Variants in MYH11 observed in about 807,000 individuals in gnomAD.
The protein encoded by MYH11 is myosin heavy chain 11.
Under a neutral mutation model 246.6 loss-of-function variants are expected in MYH11, and 80 were observed. That is an observed-to-expected ratio of 0.32 (90% CI 0.27 to 0.39). The LOEUF (loss-of-function observed/expected upper bound fraction) is 0.39, where lower values mean the gene tolerates loss of function less well. Ranked by LOEUF, MYH11 falls within the 10% of genes least tolerant of loss-of-function variation. The probability of loss-of-function intolerance (pLI) is 1.00; values close to 1 mark genes in which losing one functional copy is unlikely to be tolerated. For missense variants in MYH11, 2,158 were observed against 2,546.8 expected (o/e 0.85, Z 3.29); for synonymous variants, 1,071 against 1,015.5 (o/e 1.05, Z -1.04).
chr16:15,735,022 A>G (rs2041072410), intron 26 of MYH11, among the ~76,000 whole-genome samples: 1 of 151,888 alleles, frequency 6.6e-6, no homozygotes, highest in Non-Finnish European at 1.5e-5. Flanking sequence ...TCTACTAAAA[A>G]CAAAAAATTA....
intron 2 of MYH11, among the ~76,000 whole-genome samples, chr16:15,834,546 A>G (rs530883010): frequency 1.3e-5 from 2 of 152,022 alleles, no homozygotes; most frequent in Non-Finnish European, 2.9e-5. Context: ...AAAAAGAAGA[A>G]AGAAAGAAAA....
Position 15,777,129 on chromosome 16 carries a change from G to A in MYH11, c.791-953C>T, listed in dbSNP as rs554519541. Among the ~76,000 whole-genome samples, 17 of 116,870 alleles carry A rather than the reference G, an allele frequency of 1.5e-4. No individual in the cohort carries two copies. In the East Asian group the frequency reaches 1.6e-3, roughly 11 times the overall value. 76.7% of individuals were successfully genotyped at this position (116,870 alleles called of 152,430 possible). On this transcript the variant is annotated intron_variant, in intron 7 of 40. Transcript: ENST00000300036. ...TACACACACACACACACACACACAC[G>A]CACGTATGTTTGAGCCAGAGTCTCG...
intron 4 of MYH11, among the ~76,000 whole-genome samples, chr16:15,789,988 C>A (rs181487642): frequency 9.8e-5 from 15 of 152,286 alleles, no homozygotes; most frequent in Admixed American, 9.2e-4. Context: ...TGGCCTTGAA[C>A]CTCTCTCACC....
At chr16:15,763,584 G>T (rs900744892) in intron 10 of MYH11, among the ~76,000 whole-genome samples, 2 of 151,036 alleles carry the variant, frequency 1.3e-5, no homozygotes, top group African/African-American at 2.4e-5. Context: ...TATTAGGTTT[G>T]TTTTTTTTTA....
chr16:15,786,587 C>T (rs757076956), intron 5 of MYH11, 43 bp downstream of exon 5: 9 of 1,563,784 alleles, frequency 5.8e-6, no homozygotes, highest in African/African-American at 1.4e-5. Flanking sequence ...AGCTGGAGAC[C>T]GGTTGGCTAA....
chr16:15,707,476 A>G (rs756794434), intron 40 of MYH11, among the ~76,000 whole-genome samples: 2 of 152,150 alleles, frequency 1.3e-5, no homozygotes, highest in Non-Finnish European at 2.9e-5. Flanking sequence ...GGCTTATCCT[A>G]TGATCCCAAT....
chr16:15,822,996 C>T (rs530076012), intron 3 of MYH11, among the ~76,000 whole-genome samples: 4 of 152,400 alleles, frequency 2.6e-5, no homozygotes, highest in South Asian at 2.1e-4. Context: ...ACAGCTGGCC[C>T]GACGGGGACC....
At chr16:15,789,008 T>C (rs942455410) in intron 4 of MYH11, among the ~76,000 whole-genome samples, 24 of 151,954 alleles carry the variant, frequency 1.6e-4, no homozygotes, top group African/African-American at 5.1e-4. Context: ...GCGTTTGTCA[T>C]TGGGGGGATA....
intron 1 of MYH11, among the ~76,000 whole-genome samples, chr16:15,843,486 C>T (rs1053331703): frequency 3.4e-5 from 5 of 149,248 alleles, no homozygotes; most frequent in Admixed American, 1.3e-4. Context: ...GTCAAGAGAT[C>T]GAGACCATCC....
At chr16:15,807,959 A>G (rs2043052921) in intron 3 of MYH11, among the ~76,000 whole-genome samples, 1 of 152,168 alleles carries the variant, frequency 6.6e-6, no homozygotes, top group East Asian at 1.9e-4. Context: ...CCATAAAAGG[A>G]GAAAACCCAG....
At chr16:15,818,841 A>T (rs779896527) in intron 3 of MYH11, among the ~76,000 whole-genome samples, 2 of 152,172 alleles carry the variant, frequency 1.3e-5, no homozygotes, top group Non-Finnish European at 2.9e-5. Context: ...AATTAAGTAA[A>T]GAGTTTATCT....
At chr16:15,769,194 T>TA (rs1383642609) in intron 9 of MYH11, among the ~76,000 whole-genome samples, 1 of 152,122 alleles carries the variant, frequency 6.6e-6, no homozygotes, top group Non-Finnish European at 1.5e-5. Flanking sequence ...TGGGCGCCTA[T>TA]AATCCCAGCT....
At position 15,741,758 on chromosome 16, in the gene MYH11, A is replaced by G. The variant is rs750572008; in HGVS notation, c.2652+2T>C. 6.2e-7 allele frequency: 1 copy of G among 1,614,134 alleles called. No homozygotes were observed. The highest frequency in any genetic ancestry group is 8.5e-7 in the Non-Finnish European group (1 of 1,180,032). On this transcript the variant is annotated splice_donor_variant, in intron 21 of 40. Transcript: ENST00000300036. LOFTEE classifies it high-confidence loss of function. The stretch of plus-strand genomic sequence containing the variant: ...ACCCCAGCCATGCATCCATACAGGT[A>G]CCTGCGAGTGCTTCTGTTCCAGCTC...
chr16:15,830,291 A>G (rs1410878931), intron 2 of MYH11, among the ~76,000 whole-genome samples: 1 of 152,188 alleles, frequency 6.6e-6, no homozygotes, highest in South Asian at 2.1e-4. Context: ...GGCTTTCTAA[A>G]TACCCAACCT....
At position 15,720,232 on chromosome 16, in the gene MYH11, C is replaced by T. The variant is rs764800035; in HGVS notation, c.4872G>A (p.Gly1624=). The T allele has an allele frequency of 1.5e-5, 25 of 1,614,110 alleles. No homozygotes were observed. Among genetic ancestry groups the T allele is most frequent in the Non-Finnish European group, 1.8e-5 (21 of 1,180,016 alleles). ...CCTGAAGCTCCAGGTCTTTCAGGTC[C>T]CCTTCCAGCTTCTTCTTTGCTGCAG... ...LAAAAKKKLE[G]DLKDLELQAD... The change falls in exon 34 of 41, where the codon GGG becomes GGA. Residue 1624 remains glycine (G), a synonymous_variant. Coordinates refer to ENST00000300036, the MANE Select transcript of MYH11 (RefSeq NM_002474.3).
At chr16:15,810,548 A>G (rs1026187958) in intron 3 of MYH11, among the ~76,000 whole-genome samples, 43 of 152,022 alleles carry the variant, frequency 2.8e-4, no homozygotes, top group East Asian at 1.9e-4. Flanking sequence ...ATCATTCCCA[A>G]CCGGGCCAGA....
At chr16:15,730,085 T>C (rs916239571) in intron 27 of MYH11, among the ~76,000 whole-genome samples, 2 of 152,086 alleles carry the variant, frequency 1.3e-5, no homozygotes, top group Non-Finnish European at 2.9e-5. Context: ...TTCTCTCTCT[T>C]CTGCCTGCTC....
chr16:15,720,796 G>A (rs768483584), intron 33 of MYH11, 43 bp downstream of exon 33: 1 of 1,598,990 alleles, frequency 6.3e-7, no homozygotes, highest in East Asian at 2.2e-5. Flanking sequence ...GAATGAAAAA[G>A]GCCACCCGAC....
In MYH11 at chr16:15,745,471, C is replaced by G. The variant is rs8045110; in HGVS notation, c.2412-234G>C. Among the ~76,000 whole-genome samples, 50,091 of 152,084 alleles carry G rather than the reference C, an allele frequency of 0.33. 8,501 individuals carry two copies. Among genetic ancestry groups the G allele is most frequent in the East Asian group, 0.56 (2,888 of 5,168 alleles). The stretch of plus-strand genomic sequence containing the variant: ...GAAGACCCAGGGCTCACAACATGCC[C>G]TGGACTTAGCTGAGATCCAAACACC... On this transcript the variant is annotated intron_variant, in intron 19 of 40. Transcript: ENST00000300036.
Sources: allele counts gnomAD v4.1 joint callset (sites outside exome capture counted in the v4.1 genomes callset), GRCh38; gene constraint gnomAD v4.1.1; transcripts MANE v1.5; gene names NCBI Gene and HGNC (gene_info 2026-07-23, HGNC 2026-07-21).